TRAPPC1: variants seen among roughly 807,000 people sequenced by gnomAD.
TRAPPC1 encodes the protein BET5 homolog.
A neutral mutation model predicts 17.2 loss-of-function variants in TRAPPC1; 10 were observed. The ratio of observed to expected loss-of-function variants is 0.58; its 90% CI spans 0.36 to 0.99. The LOEUF is 0.99. Among genes scored for constraint, TRAPPC1 ranks in the 50% least tolerant of loss-of-function variants. TRAPPC1 has a pLI of 0.01. For missense variants in TRAPPC1, 163 were observed against 184.4 expected (o/e 0.88, Z 0.67); for synonymous variants, 85 against 74.5 (o/e 1.14, Z -0.72).
At chr17:7,931,472 C>T (rs749631713) in intron 2 of TRAPPC1, 34 bp downstream of exon 2, 2 of 1,605,644 alleles carry the variant, frequency 1.2e-6, no homozygotes, top group South Asian at 2.2e-5. Flanking sequence ...CCAAGGCTAG[C>T]CCTCCTCCCA....
intron 3 of TRAPPC1, 132 bp downstream of exon 3, chr17:7,930,879 G>T: frequency 6.7e-7 from 1 of 1,488,866 alleles, no homozygotes; most frequent in Non-Finnish European, 9.1e-7. Flanking sequence ...GGTGGTGGGA[G>T]TTAAGAACCT....
At position 7,931,903 on chromosome 17, in the gene TRAPPC1, C is replaced by G. The variant is rs1236847156; in HGVS notation, c.-74G>C. 1.2e-5 allele frequency: 16 copies of G among 1,324,572 alleles called. No individual in the cohort carries two copies. The highest frequency in any genetic ancestry group is 1.5e-5 in the Non-Finnish European group (14 of 917,020). 82.1% of individuals were successfully genotyped at this position (1,324,572 alleles called of 1,614,324 possible). A position where few individuals can be genotyped will look rare whatever the true frequency, so the allele number is the denominator to read the frequency against. On this transcript the variant is annotated 5_prime_UTR_variant, in exon 1 of 4. Coordinates refer to ENST00000303731, the MANE Select transcript of TRAPPC1 (RefSeq NM_021210.5). ...TGGGCTCGGGTTCCCGGACCCACAG[C>G]CTTCCAACCAGGTGGGGACCCCACC...
Position 7,930,505 on chromosome 17 carries a change from G to T in TRAPPC1, c.*101C>A, listed in dbSNP as rs1039848840. 1.3e-6 allele frequency: 2 copies of T among 1,492,312 alleles called. No individual in the cohort carries two copies. Among genetic ancestry groups the T allele is most frequent in the East Asian group, 4.6e-5 (2 of 43,458 alleles). The allele number at this position is 1,492,312 out of a possible 1,614,324, so 92.4% of individuals were successfully genotyped here. On this transcript the variant is annotated 3_prime_UTR_variant, in exon 4 of 4. Coordinates refer to ENST00000303731, the MANE Select transcript of TRAPPC1 (RefSeq NM_021210.5). ...CCTTTAGGCTGTTGCTCTGGGCAGG[G>T]GGTGGGGGTGCGGGGGCTTACAGTG...
At chr17:7,930,924 C>A in intron 3 of TRAPPC1, 87 bp downstream of exon 3, 1 of 1,549,834 alleles carries the variant, frequency 6.5e-7, no homozygotes, top group Non-Finnish European at 8.7e-7. Context: ...GTTGAGCAAA[C>A]ATATAGTAGG....
At chr17:7,931,181 G>A (rs1319395250) in intron 2 of TRAPPC1, 32 bp from the exon 3 acceptor site, 6 of 1,610,812 alleles carry the variant, frequency 3.7e-6, no homozygotes, top group Non-Finnish European at 5.1e-6. Context: ...TAAAGAATGG[G>A]AGCAGAATCT....
Position 7,930,433 on chromosome 17 carries a change from G to A in TRAPPC1, c.*173C>T. On this transcript the variant is annotated 3_prime_UTR_variant, in exon 4 of 4. Transcript: ENST00000303731. The stretch of plus-strand genomic sequence containing the variant: ...AGAGAGGGCCTGGTGTGGAGGTGGA[G>A]GGACTCTGTGGGCTTCACTCTGGTA... The A allele has an allele frequency of 1.4e-6, 1 of 716,470 alleles. No individual in the cohort carries two copies. The highest frequency in any genetic ancestry group is 2.3e-6 in the Non-Finnish European group (1 of 432,506). The allele number at this position is 716,470 out of a possible 1,614,324, so 44.4% of individuals were successfully genotyped here.
chr17:7,931,275 A>G, intron 2 of TRAPPC1, 126 bp from the exon 3 acceptor site: 3 of 1,292,982 alleles, frequency 2.3e-6, no homozygotes, highest in Non-Finnish European at 3.2e-6. Context: ...TGGTTGAGTA[A>G]AGACATCGCC....
rs996218916 is a variant in TRAPPC1 at position 7,931,780 on chromosome 17, T to C, written c.50A>G (p.His17Arg). 6.2e-7 allele frequency: 1 copy of C among 1,614,184 alleles called. No homozygotes were observed. The highest frequency in any genetic ancestry group is 8.5e-7 in the Non-Finnish European group (1 of 1,180,028). Residue 17 changes from histidine to arginine, a missense_variant, in exon 1 of 4, where the codon CAC becomes CGC. By Grantham distance (29) the His-to-Arg change is conservative. Transcript: ENST00000303731. ...YLFDRNGVCL[H>R]YSEWHRKKQA... ...CTTCTTGCGGTGCCATTCGCTGTAG[T>C]GCAGACACACTCCATTCCGGTCAAA...
At chr17:7,931,416 G>A in intron 2 of TRAPPC1, 90 bp downstream of exon 2, 6 of 1,347,400 alleles carry the variant, frequency 4.5e-6, no homozygotes, top group Non-Finnish European at 6.3e-6. Context: ...CCCTCTGGAG[G>A]CCAATGCTCC....
At position 7,930,399 on chromosome 17, in the gene TRAPPC1, T is replaced by G; in HGVS notation, c.*207A>C. 1 of 600,464 alleles carries G rather than the reference T, an allele frequency of 1.7e-6. No individual in the cohort carries two copies. The highest frequency in any genetic ancestry group is 2.9e-6 in the Non-Finnish European group (1 of 343,816). The allele number at this position is 600,464 out of a possible 1,614,324, so 37.2% of individuals were successfully genotyped here. A position where few individuals can be genotyped will look rare whatever the true frequency, so the allele number is the denominator to read the frequency against. ...GCTTCTCGCAGCATTAGGCAGGGGA[T>G]AAAACTGGAGAGAGGGCCTGGTGTG... On this transcript the variant is annotated 3_prime_UTR_variant, in exon 4 of 4. Transcript: ENST00000303731.
In TRAPPC1 at chr17:7,931,537, A is replaced by G; in HGVS notation, c.139T>C (p.Ser47Pro). Residue 47 changes from serine (S) to proline (P), a missense_variant, in exon 2 of 4, where the codon TCG (serine) becomes CCG (proline). Coordinates refer to ENST00000303731, the MANE Select transcript of TRAPPC1 (RefSeq NM_021210.5). Reference sequence around the variant, plus strand: ...AGCGGGGACATCTTGCTGACAAACGAGCGGATAGAGAAGAGCATCCCGTAC... The same window carrying G: ...AGCGGGGACATCTTGCTGACAAACGGGCGGATAGAGAAGAGCATCCCGTAC... ...LMYGMLFSIR[S>P]FVSKMSPLDM... The G allele has an allele frequency of 6.2e-7, 1 of 1,612,804 alleles. No individual in the cohort carries two copies. The highest frequency in any genetic ancestry group is 8.5e-7 in the Non-Finnish European group (1 of 1,179,396).
chr17:7,930,983 G>C (rs767457581), intron 3 of TRAPPC1, 28 bp downstream of exon 3: 12 of 1,612,160 alleles, frequency 7.4e-6, no homozygotes, highest in Non-Finnish European at 1.0e-5. Context: ...AGAGCTCTGG[G>C]GGATGGGTCC....
intron 2 of TRAPPC1, 172 bp downstream of exon 2, chr17:7,931,334 C>G: frequency 9.8e-7 from 1 of 1,019,040 alleles, no homozygotes; most frequent in Non-Finnish European, 1.4e-6. Context: ...ACTTTCAGAC[C>G]CTCCCCACCC....
chr17:7,930,354 T>G lies in TRAPPC1; in HGVS notation c.*252A>C. On this transcript the variant is annotated 3_prime_UTR_variant, in exon 4 of 4. Coordinates refer to ENST00000303731, the MANE Select transcript of TRAPPC1 (RefSeq NM_021210.5). ...ACCAACACGCTCAGGCCGCAGAGAG[T>G]GACAAAAAGTTTATTCTGTGCTTCT... 4.1e-6 allele frequency: 2 copies of G among 483,468 alleles called. No homozygotes were observed. The highest frequency in any genetic ancestry group is 3.8e-6 in the Non-Finnish European group (1 of 264,740). 29.9% of individuals were successfully genotyped at this position (483,468 alleles called of 1,614,324 possible).
chr17:7,931,210 T>G, intron 2 of TRAPPC1, 61 bp from the exon 3 acceptor site: 1 of 1,581,378 alleles, frequency 6.3e-7, no homozygotes. Flanking sequence ...GAGACACTTC[T>G]GATCCCCGCA....
At chr17:7,931,631 G>A (rs1972517820) in intron 1 of TRAPPC1, 55 bp from the exon 2 acceptor site, 2 of 702,214 alleles carry the variant, frequency 2.8e-6, no homozygotes, top group Admixed American at 1.9e-5. Flanking sequence ...TGGGGTGGGG[G>A]GTGGGAACGA....
At chr17:7,930,791 A>G in intron 3 of TRAPPC1, 57 bp from the exon 4 acceptor site, 1 of 1,596,976 alleles carries the variant, frequency 6.3e-7, no homozygotes, top group Non-Finnish European at 8.5e-7. Context: ...TTTTAGCCCC[A>G]AACCTTGTAT....
intron 3 of TRAPPC1, 99 bp downstream of exon 3, chr17:7,930,912 G>A (rs1490686818): frequency 6.6e-6 from 10 of 1,524,500 alleles, no homozygotes; most frequent in Non-Finnish European, 8.0e-6. Context: ...GAAAACTCTT[G>A]AGTTGAGCAA....
rs1171992763 is a variant in TRAPPC1 at position 7,931,101 on chromosome 17, G to C, written c.219C>G (p.Tyr73Ter). The change falls in exon 3 of 4, where the codon TAC (tyrosine) becomes TAG (stop). Residue 73 changes from tyrosine to a stop codon, truncating the protein, a stop_gained. Transcript: ENST00000303731. LOFTEE classifies it high-confidence loss of function. ...CTTTGATCCCAGTGGGCGTCTCGTA[G>C]TAATGGAGTTTGTAACGGCTAGTTT... The part of the protein sequence containing the change: ...AFQTSRYKLH[Y>*]YETPTGIKVV... 3 of 1,613,924 alleles carry C rather than the reference G, an allele frequency of 1.9e-6. No homozygotes were observed. The highest frequency in any genetic ancestry group is 2.5e-6 in the Non-Finnish European group (3 of 1,179,998).
Sources: gnomAD v4.1 joint callset for allele counts on GRCh38, gnomAD v4.1.1 for gene constraint, MANE v1.5 for transcripts, NCBI Gene and HGNC (gene_info 2026-07-23, HGNC 2026-07-21) for gene names.